The following DMD variants were observed in gnomAD, a reference collection of about 807,000 sequenced individuals.
DMD encodes mutant dystrophin.
A neutral mutation model predicts 330.1 loss-of-function variants in DMD; 63 were observed. That is an observed-to-expected ratio of 0.19 (90% CI 0.16 to 0.24). The LOEUF (loss-of-function observed/expected upper bound fraction) is 0.24, where lower values mean the gene tolerates loss of function less well. Ranked by LOEUF, DMD falls within the 10% of genes least tolerant of loss-of-function variation. DMD has a pLI of 1.00. For missense variants in DMD, 3,344 were observed against 2,684.1 expected, an observed-to-expected ratio of 1.25 and a Z score of -5.43; for synonymous variants, 1,223 against 959.8, an observed-to-expected ratio of 1.27 and a Z score of -5.07.
At chrX:31,985,691 A>G (rs2095504284) in intron 44 of DMD, among the ~76,000 whole-genome samples, 1 of 112,629 alleles carries the variant, frequency 8.9e-6, no homozygotes, top group Non-Finnish European at 1.9e-5. Context: ...TAGGCATTTC[A>G]TTGCAGGTAT....
intron 50 of DMD, among the ~76,000 whole-genome samples, chrX:31,784,260 C>T (rs1476533370): frequency 9.0e-6 from 1 of 111,470 alleles, no homozygotes; most frequent in Admixed American, 9.6e-5. Context: ...CGTCAATCAT[C>T]GGGGAAATGC....
chrX:32,661,153 T>C (rs2060917794), intron 9 of DMD, among the ~76,000 whole-genome samples: 1 of 111,625 alleles, frequency 9.0e-6, no homozygotes, highest in South Asian at 3.7e-4. Context: ...TTATAATATG[T>C]CCTTCTAGAA....
At chrX:32,503,188 C>G (rs1176613113) in intron 18 of DMD, among the ~76,000 whole-genome samples, 1 of 110,867 alleles carries the variant, frequency 9.0e-6, no homozygotes, top group Non-Finnish European at 1.9e-5. Flanking sequence ...TTGAGATCAG[C>G]CTAGGCAAAA....
intron 55 of DMD, chrX:31,508,331 A>G (rs1325936771): frequency 9.7e-7 from 1 of 1,033,504 alleles, no homozygotes; most frequent in Admixed American, 2.7e-5. Context: ...TAAAATGCCA[A>G]CTTTGCTTAC....
chrX:32,583,655 T>A (rs1049043808), intron 13 of DMD: 5 of 111,583 alleles, frequency 4.5e-5, no homozygotes, highest in African/African-American at 1.6e-4. Flanking sequence ...AATATTTTCG[T>A]CAAAGATGAC....
At chrX:32,914,090 G>A (rs1278742644) in intron 2 of DMD, among the ~76,000 whole-genome samples, 6 of 111,624 alleles carry the variant, frequency 5.4e-5, no homozygotes, top group Non-Finnish European at 1.1e-4. Context: ...GACAAACTGT[G>A]ACAAATTACA....
chrX:31,298,455 A>G (rs956528301), intron 62 of DMD, among the ~76,000 whole-genome samples: 4 of 110,664 alleles, frequency 3.6e-5, no homozygotes, highest in African/African-American at 1.3e-4. Context: ...ATACAGAGTA[A>G]TAGTGGTAAT....
intron 52 of DMD, among the ~76,000 whole-genome samples, chrX:31,697,118 T>G (rs1313975268): frequency 8.9e-6 from 1 of 111,949 alleles, no homozygotes; most frequent in Non-Finnish European, 1.9e-5. Context: ...ATAGACCTGG[T>G]AATTGTCCAT....
At chrX:32,637,798 A>C (rs1478828070) in intron 11 of DMD, among the ~76,000 whole-genome samples, 2 of 111,515 alleles carry the variant, frequency 1.8e-5, no homozygotes, top group East Asian at 5.6e-4. Context: ...GAACAGCATG[A>C]GGGTTACACT....
intron 37 of DMD, among the ~76,000 whole-genome samples, chrX:32,352,772 T>C (rs1050482049): frequency 2.7e-5 from 3 of 111,015 alleles, no homozygotes; most frequent in African/African-American, 9.8e-5. Flanking sequence ...CCTCGGGGTA[T>C]AGGAAAAATT....
At chrX:32,142,212 T>C (rs761351886) in intron 44 of DMD, among the ~76,000 whole-genome samples, 22 of 111,406 alleles carry the variant, frequency 2.0e-4, no homozygotes, top group Non-Finnish European at 3.2e-4. Context: ...CAGAGGAGGA[T>C]GTCTACTCCA....
At chrX:31,649,756 T>C (rs990170410) in intron 54 of DMD, among the ~76,000 whole-genome samples, 1 of 110,659 alleles carries the variant, frequency 9.0e-6, no homozygotes, top group Non-Finnish European at 1.9e-5. Flanking sequence ...TATGACTCTC[T>C]CCTGAAGAGC....
chrX:31,375,117 T>G (rs1307181068), intron 60 of DMD, among the ~76,000 whole-genome samples: 2 of 111,876 alleles, frequency 1.8e-5, no homozygotes, highest in Non-Finnish European at 3.8e-5. Flanking sequence ...TTGTGGGAGT[T>G]TTTTATATCC....
intron 7 of DMD, among the ~76,000 whole-genome samples, chrX:32,797,788 T>C (rs2076280770): frequency 9.0e-6 from 1 of 110,614 alleles, no homozygotes; most frequent in Non-Finnish European, 1.9e-5. Context: ...AGGCCAAGGA[T>C]ATTGTTATTT....
chrX:31,295,083 A>G (rs1204993529), intron 62 of DMD, among the ~76,000 whole-genome samples: 10 of 110,926 alleles, frequency 9.0e-5, no homozygotes. Context: ...TGCAAGCTCC[A>G]GCCCCGGGTT....
chrX:32,372,832 C>T (rs2097884856), intron 34 of DMD, among the ~76,000 whole-genome samples: 1 of 111,323 alleles, frequency 9.0e-6, no homozygotes, highest in African/African-American at 3.3e-5. Context: ...GGCTTTCCTC[C>T]TGTCATTTTA....
intron 52 of DMD, among the ~76,000 whole-genome samples, chrX:31,697,229 C>T (rs932566429): frequency 3.6e-5 from 4 of 111,528 alleles, no homozygotes; most frequent in African/African-American, 6.5e-5. Context: ...TATTTGGCCA[C>T]TAGAGCCCAT....
At chrX:33,219,561 T>A (rs1420169181) in intron 1 of DMD, among the ~76,000 whole-genome samples, 1 of 109,248 alleles carries the variant, frequency 9.2e-6, no homozygotes, top group African/African-American at 3.3e-5. Context: ...TGGTACTACA[T>A]ATCAGTACTA....
intron 2 of DMD, among the ~76,000 whole-genome samples, chrX:32,963,271 G>A (rs1301554098): frequency 8.9e-6 from 1 of 111,933 alleles, no homozygotes; most frequent in Non-Finnish European, 1.9e-5. Flanking sequence ...ATAATAACAG[G>A]CTGAAAGAAC....
Sources: gnomAD v4.1 joint callset for allele counts (sites outside exome capture counted in the v4.1 genomes callset) on GRCh38, gnomAD v4.1.1 for gene constraint, MANE v1.5 for transcripts, NCBI Gene and HGNC (gene_info 2026-07-23, HGNC 2026-07-21) for gene names.